Variants in HCLS1 observed in about 807,000 individuals in gnomAD.
The protein encoded by HCLS1 is hematopoietic cell-specific Lyn substrate 1.
In HCLS1, 44 loss-of-function variants were observed where a neutral mutation model predicts 68.6. The observed-to-expected ratio is 0.64, with a 90% CI of 0.50 to 0.82. The LOEUF is 0.82. Among genes scored for constraint, HCLS1 ranks in the 40% least tolerant of loss-of-function variants. The pLI, the probability that HCLS1 is intolerant of heterozygous loss-of-function variation, is 0.00. For missense variants in HCLS1, 602 were observed against 612.1 expected, an observed-to-expected ratio of 0.98 and a Z score of 0.17; for synonymous variants, 217 against 225.8, an observed-to-expected ratio of 0.96 and a Z score of 0.35.
intron 7 of HCLS1, among the ~76,000 whole-genome samples, chr3:121,636,859 C>G (rs781494219): frequency 2.0e-5 from 3 of 152,122 alleles, no homozygotes; most frequent in Non-Finnish European, 4.4e-5. Context: ...CATGGCAAAC[C>G]ATCTTCTGAC....
At position 121,641,808 on chromosome 3, in the gene HCLS1, G is replaced by T. The variant is rs112834269; in HGVS notation, c.454+1119C>A. Among the ~76,000 whole-genome samples, 802 of 152,222 alleles carry T rather than the reference G, an allele frequency of 5.3e-3. 8 individuals carry two copies. Among genetic ancestry groups the T allele is most frequent in the African/African-American group, 0.019 (771 of 41,558 alleles). The stretch of plus-strand genomic sequence containing the variant: ...AAAAACTTGATCAATATGGCCAGGC[G>T]CGGTGACTCAAGCCTGTAATCCCAG... On this transcript the variant is annotated intron_variant, in intron 6 of 13. Transcript: ENST00000314583.
At chr3:121,642,220 G>A (rs1267530306) in intron 6 of HCLS1, among the ~76,000 whole-genome samples, 1 of 151,334 alleles carries the variant, frequency 6.6e-6, no homozygotes, top group Non-Finnish European at 1.5e-5. Flanking sequence ...AGCACTTTGG[G>A]AGGCCGAGTC....
intron 3 of HCLS1, among the ~76,000 whole-genome samples, chr3:121,651,057 C>A (rs904224516): frequency 6.6e-6 from 1 of 152,198 alleles, no homozygotes; most frequent in African/African-American, 2.4e-5. Flanking sequence ...ATCGCTTGAA[C>A]CCAGGAGGCA....
intron 3 of HCLS1, among the ~76,000 whole-genome samples, chr3:121,648,910 A>C (rs576560584): frequency 6.6e-5 from 10 of 152,290 alleles, no homozygotes; most frequent in Admixed American, 2.0e-4. Flanking sequence ...ACTAGTACCA[A>C]GGACATGTAA....
In HCLS1 at chr3:121,635,748, C is replaced by A. The variant is rs138568093; in HGVS notation, c.678G>T (p.Thr226=). Reference sequence around the variant, plus strand: ...ACTAAGCCTCACCGGCTTCTATGGGCGTCGTCTTCTTATAAGCTGTGGTCG... The same window carrying A: ...ACTAAGCCTCACCGGCTTCTATGGGAGTCGTCTTCTTATAAGCTGTGGTCG... ...EAPTTAYKKT[T]PIEAASSGTR... is the part of the protein sequence containing the mutation. Residue 226 remains threonine, a synonymous_variant, in exon 9 of 14, where the codon ACG becomes ACT. Coordinates refer to ENST00000314583, the MANE Select transcript of HCLS1 (RefSeq NM_005335.6). 3 of 1,613,844 alleles carry A rather than the reference C, an allele frequency of 1.9e-6. No individual in the cohort carries two copies. Among genetic ancestry groups the A allele is most frequent in the Admixed American group, 3.3e-5 (2 of 60,022 alleles).
At chr3:121,636,534 G>A (rs922790980) in intron 7 of HCLS1, 45 bp from the exon 8 acceptor site, 42 of 1,434,080 alleles carry the variant, frequency 2.9e-5, no homozygotes, top group Non-Finnish European at 4.0e-5. Flanking sequence ...AAAATGCTGG[G>A]AATGGGTGGT....
chr3:121,646,878 CTTA>C (rs1169824054), intron 4 of HCLS1, among the ~76,000 whole-genome samples: 2 of 141,284 alleles, frequency 1.4e-5, no homozygotes, highest in African/African-American at 5.2e-5. Flanking sequence ...ATAGTTGGCT[CTTA>C]TTATAGAGGT....
intron 3 of HCLS1, among the ~76,000 whole-genome samples, chr3:121,649,233 T>TTTATTA (rs571491713): frequency 4.6e-5 from 7 of 151,704 alleles, no homozygotes; most frequent in African/African-American, 1.2e-4. Flanking sequence ...TAAACAGGTC[T>TTTATTA]TTATTATTAT....
rs147129061 is a variant in HCLS1 at position 121,637,161 on chromosome 3, G to A, written c.550C>T (p.His184Tyr). 12 of 1,611,632 alleles carry A rather than the reference G, an allele frequency of 7.4e-6. No individual in the cohort carries two copies. The African/African-American group carries it at 1.2e-4, about 16-fold the overall frequency. Residue 184 changes from histidine (H) to tyrosine (Y), a missense_variant, in exon 7 of 14, where the codon CAC (histidine) becomes TAC (tyrosine). Physicochemically the swap from His to Tyr is moderately conservative, Grantham distance 83. Coordinates refer to ENST00000314583, the MANE Select transcript of HCLS1 (RefSeq NM_005335.6). ...CCCAACTCACCTCTCTGGGACTCGT[G>A]TTTCTCCGTCTCTCCCTTGTAGTCA... ...GYDYKGETEK[H>Y]ESQRDYAKGF... is the part of the protein sequence containing the mutation.
chr3:121,639,433 T>G (rs1420573614), intron 6 of HCLS1, among the ~76,000 whole-genome samples: 1 of 152,226 alleles, frequency 6.6e-6, no homozygotes. Flanking sequence ...ATTTCCCTGA[T>G]GCTCAGAAAA....
chr3:121,644,788 G>A, intron 5 of HCLS1, 30 bp downstream of exon 5: 1 of 1,450,560 alleles, frequency 6.9e-7, no homozygotes, highest in East Asian at 2.3e-5. Flanking sequence ...GACTGGAGGT[G>A]GGTGGTTGGG....
intron 1 of HCLS1, among the ~76,000 whole-genome samples, chr3:121,660,005 G>C (rs928741537): frequency 2.6e-5 from 4 of 152,144 alleles, no homozygotes; most frequent in African/African-American, 9.7e-5. Flanking sequence ...GCTATCTAGA[G>C]GTGAGAACCA....
At chr3:121,657,182 C>T (rs187969134) in intron 3 of HCLS1, 97 bp downstream of exon 3, 31 of 961,340 alleles carry the variant, frequency 3.2e-5, no homozygotes, top group East Asian at 1.7e-4. Flanking sequence ...ATGAACTACC[C>T]TATCCTTTTC....
intron 3 of HCLS1, among the ~76,000 whole-genome samples, chr3:121,651,549 G>C (rs1937749002): frequency 6.6e-6 from 1 of 152,062 alleles, no homozygotes; most frequent in Admixed American, 6.6e-5. Flanking sequence ...TGCTTCTCCT[G>C]CCTCAGCCTC....
At chr3:121,646,388 AT>A (rs1286880688) in intron 4 of HCLS1, among the ~76,000 whole-genome samples, 3 of 55,776 alleles carry the variant, frequency 5.4e-5, no homozygotes, top group African/African-American at 1.9e-4. Flanking sequence ...TATGTAATAT[AT>A]TACTATGTAA....
chr3:121,659,288 T>A (rs975999218), intron 1 of HCLS1, among the ~76,000 whole-genome samples: 11 of 152,148 alleles, frequency 7.2e-5, no homozygotes, highest in African/African-American at 2.7e-4. Flanking sequence ...TTGCTCTGCA[T>A]CTGTGGATTT....
chr3:121,646,591 T>A (rs1185706173), intron 4 of HCLS1, among the ~76,000 whole-genome samples: 1 of 110,856 alleles, frequency 9.0e-6, no homozygotes, highest in East Asian at 2.5e-4. Flanking sequence ...ATATATATAA[T>A]ATATATTAAT....
At chr3:121,633,549 T>C (rs1426897251) in intron 10 of HCLS1, among the ~76,000 whole-genome samples, 4 of 151,516 alleles carry the variant, frequency 2.6e-5, no homozygotes, top group Non-Finnish European at 4.4e-5. Context: ...TTTTATTTTA[T>C]GCATTTTTTG....
intron 6 of HCLS1, among the ~76,000 whole-genome samples, chr3:121,638,979 G>A (rs890446134): frequency 5.3e-5 from 8 of 151,390 alleles, no homozygotes; most frequent in South Asian, 2.1e-4. Flanking sequence ...CCGGGAGTTC[G>A]AGACCAGCCT....
Sources: allele counts gnomAD v4.1 joint callset (sites outside exome capture counted in the v4.1 genomes callset), GRCh38; gene constraint gnomAD v4.1.1; transcripts MANE v1.5; gene names NCBI Gene and HGNC (gene_info 2026-07-23, HGNC 2026-07-21).